The following EXOC4 variants were observed in gnomAD, a reference collection of about 807,000 sequenced individuals.
EXOC4 encodes the protein SEC8-like 1.
A neutral mutation model predicts 107.2 loss-of-function variants in EXOC4; 71 were observed. That is an observed-to-expected ratio of 0.66 (90% CI 0.55 to 0.81). The LOEUF is 0.81. Among genes scored for constraint, EXOC4 ranks in the 30% least tolerant of loss-of-function variants. The pLI is 0.00. For synonymous variants in EXOC4, 456 were observed against 441.2 expected (o/e 1.03, Z -0.42); for missense variants, 1,108 against 1,189.6 (o/e 0.93, Z 1.01).
chr7:133,858,621 G>T (rs961278946), intron 11 of EXOC4, among the ~76,000 whole-genome samples: 1 of 152,066 alleles, frequency 6.6e-6, no homozygotes, highest in African/African-American at 2.4e-5. Context: ...AATAACCTAC[G>T]ACTAAACAGA....
At chr7:134,100,085 A>T in the EXOC4 span, among the ~76,000 whole-genome samples, 6 of 147,790 alleles carry the variant, frequency 4.1e-5, no homozygotes, top group Non-Finnish European at 8.8e-5. Flanking sequence ...CATAAAACTT[A>T]AAAAAAATAT....
chr7:133,702,003 T>C (rs28719088), intron 10 of EXOC4, among the ~76,000 whole-genome samples: 14 of 138,888 alleles, frequency 1.0e-4, no homozygotes, highest in South Asian at 2.4e-4. Flanking sequence ...CTTTCTTTTT[T>C]TTTTTTTTTT....
chr7:133,412,525 T>C (rs889443616), intron 7 of EXOC4, among the ~76,000 whole-genome samples: 6 of 152,028 alleles, frequency 3.9e-5, no homozygotes, highest in Non-Finnish European at 7.4e-5. Flanking sequence ...AACCACACAA[T>C]TAATCCCAAA....
At chr7:133,821,877 G>GTGAATGAAAATGAA (rs1797530047) in intron 11 of EXOC4, among the ~76,000 whole-genome samples, 1 of 152,194 alleles carries the variant, frequency 6.6e-6, no homozygotes. Context: ...GAATGAATGA[G>GTGAATGAAAATGAA]TGAATGAAAA....
chr7:133,811,305 T>A (rs1797224875), intron 10 of EXOC4, among the ~76,000 whole-genome samples: 1 of 152,200 alleles, frequency 6.6e-6, no homozygotes, highest in South Asian at 2.1e-4. Flanking sequence ...TTCTTTTCAC[T>A]GTTAAAAATT....
At chr7:133,759,010 A>G (rs1262842248) in intron 10 of EXOC4, among the ~76,000 whole-genome samples, 1 of 152,194 alleles carries the variant, frequency 6.6e-6, no homozygotes, top group Non-Finnish European at 1.5e-5. Flanking sequence ...GACCACTATC[A>G]TGTGGACAGA....
the EXOC4 span, among the ~76,000 whole-genome samples, chr7:134,081,246 G>A: frequency 6.6e-6 from 1 of 152,152 alleles, no homozygotes; most frequent in Non-Finnish European, 1.5e-5. Flanking sequence ...AGGAGGCTGA[G>A]GCGGGAGAAT....
chr7:133,990,818 C>T (rs1794238309), intron 14 of EXOC4, among the ~76,000 whole-genome samples: 1 of 152,096 alleles, frequency 6.6e-6, no homozygotes, highest in Admixed American at 6.6e-5. Context: ...TTTTCTTCCA[C>T]CATTCATGAA....
Position 134,064,326 on chromosome 7 carries a change from A to G in EXOC4, c.2723A>G (p.Glu908Gly), listed in dbSNP as rs1414327118. ...YYEMLYNTAD[E>G]LLNLVVDQGV... is the part of the protein sequence containing the mutation. ...GAGATGCTTTACAACACAGCTGACGAGCTCCTGAACCTGGTGGTGGACCAG... is the reference window on the plus strand; with the variant it reads ...GAGATGCTTTACAACACAGCTGACGGGCTCCTGAACCTGGTGGTGGACCAG... Residue 908 changes from glutamate to glycine, a missense_variant, in exon 18 of 18, where the codon GAG becomes GGG. Coordinates refer to ENST00000253861, the MANE Select transcript of EXOC4 (RefSeq NM_021807.4). 2 of 1,501,464 alleles carry G rather than the reference A, an allele frequency of 1.3e-6. No individual in the cohort carries two copies. The highest frequency in any genetic ancestry group is 4.3e-5 in the Admixed American group (2 of 46,764). The allele number at this position is 1,501,464 out of a possible 1,614,324, so 93.0% of individuals were successfully genotyped here.
intron 9 of EXOC4, among the ~76,000 whole-genome samples, chr7:133,513,538 T>C (rs1440953364): frequency 6.6e-6 from 1 of 152,222 alleles, no homozygotes; most frequent in East Asian, 1.9e-4. Context: ...TACTAAAGTT[T>C]AGGTCTGATT....
chr7:133,329,029 A>G (rs1281962557), intron 5 of EXOC4, among the ~76,000 whole-genome samples: 1 of 152,090 alleles, frequency 6.6e-6, no homozygotes, highest in Non-Finnish European at 1.5e-5. Context: ...ACTTGGTTCC[A>G]TTCTCCCTGT....
intron 9 of EXOC4, among the ~76,000 whole-genome samples, chr7:133,538,927 A>G (rs1297174812): frequency 2.0e-5 from 3 of 147,784 alleles, no homozygotes; most frequent in Non-Finnish European, 4.5e-5. Flanking sequence ...GAAGGAAGGA[A>G]GGATTACACT....
chr7:133,446,948 T>C (rs1170912560), intron 7 of EXOC4, among the ~76,000 whole-genome samples: 1 of 152,234 alleles, frequency 6.6e-6, no homozygotes, highest in Non-Finnish European at 1.5e-5. Flanking sequence ...CTGCTTCTGA[T>C]ACTTTGCCAC....
intron 10 of EXOC4, among the ~76,000 whole-genome samples, chr7:133,724,583 A>G (rs1371006553): frequency 6.6e-6 from 1 of 152,248 alleles, no homozygotes; most frequent in Non-Finnish European, 1.5e-5. Context: ...GCAGGGAAAT[A>G]CAGATATTAA....
intron 3 of EXOC4, among the ~76,000 whole-genome samples, chr7:133,304,905 T>C (rs1397010342): frequency 1.3e-5 from 2 of 152,228 alleles, no homozygotes; most frequent in African/African-American, 4.8e-5. Context: ...AGCTCACTTG[T>C]GTTCTTTCCC....
At chr7:133,306,607 A>G (rs1794759571) in intron 4 of EXOC4, among the ~76,000 whole-genome samples, 1 of 152,070 alleles carries the variant, frequency 6.6e-6, no homozygotes, top group African/African-American at 2.4e-5. Context: ...GGCTGAGATG[A>G]CAGGATGGCT....
At chr7:133,357,746 TTC>T (rs1167999957) in intron 6 of EXOC4, among the ~76,000 whole-genome samples, 1 of 152,226 alleles carries the variant, frequency 6.6e-6, no homozygotes, top group Non-Finnish European at 1.5e-5. Context: ...AATACTGTAT[TTC>T]TGTGTTCTTT....
At chr7:133,468,858 G>T (rs1001777012) in intron 7 of EXOC4, among the ~76,000 whole-genome samples, 1 of 152,070 alleles carries the variant, frequency 6.6e-6, no homozygotes, top group African/African-American at 2.4e-5. Context: ...CCAGTTAAAT[G>T]AGAACTGATT....
intron 9 of EXOC4, among the ~76,000 whole-genome samples, chr7:133,617,403 A>G (rs910443062): frequency 6.6e-6 from 1 of 152,220 alleles, no homozygotes; most frequent in African/African-American, 2.4e-5. Context: ...TTTCATGAAA[A>G]AACTAAAAAT....
Sources: gnomAD v4.1 joint callset for allele counts (sites outside exome capture counted in the v4.1 genomes callset) on GRCh38, gnomAD v4.1.1 for gene constraint, MANE v1.5 for transcripts, NCBI Gene and HGNC (gene_info 2026-07-23, HGNC 2026-07-21) for gene names.